Variants in LRMDA observed in about 807,000 individuals in gnomAD.
The protein encoded by LRMDA is leucine-rich melanocyte differentiation-associated protein.
Under a neutral mutation model 29.8 loss-of-function variants are expected in LRMDA, and 18 were observed. The ratio of observed to expected loss-of-function variants is 0.60; its 90% CI spans 0.42 to 0.90. LRMDA has a LOEUF of 0.90. Among genes scored for constraint, LRMDA ranks in the 40% least tolerant of loss-of-function variants. The pLI, the probability that LRMDA is intolerant of heterozygous loss-of-function variation, is 0.00. For missense variants in LRMDA, 273 were observed against 273.9 expected, an observed-to-expected ratio of 1.00 and a Z score of 0.02; for synonymous variants, 125 against 109.4, an observed-to-expected ratio of 1.14 and a Z score of -0.89.
At chr10:75,813,045 C>A (rs1466669264) in intron 2 of LRMDA, among the ~76,000 whole-genome samples, 1 of 152,114 alleles carries the variant, frequency 6.6e-6, no homozygotes, top group South Asian at 2.1e-4. Context: ...ATGAGAGTTA[C>A]ACGGCTCCTG....
At chr10:75,505,010 A>G (rs1214298172) in intron 2 of LRMDA, among the ~76,000 whole-genome samples, 1 of 152,156 alleles carries the variant, frequency 6.6e-6, no homozygotes, top group African/African-American at 2.4e-5. Flanking sequence ...TGAGTGATTG[A>G]TACAGATTAA....
chr10:76,211,711 C>T (rs1223420746), intron 5 of LRMDA, among the ~76,000 whole-genome samples: 1 of 152,170 alleles, frequency 6.6e-6, no homozygotes, highest in Non-Finnish European at 1.5e-5. Context: ...ACAGAGAAAA[C>T]CTTGAAGATT....
intron 6 of LRMDA, among the ~76,000 whole-genome samples, chr10:76,344,652 T>G (rs761394269): frequency 2.0e-5 from 3 of 152,048 alleles, no homozygotes; most frequent in Non-Finnish European, 4.4e-5. Flanking sequence ...TTATGGAATG[T>G]TAATAATTAA....
rs1843604174 is a variant in LRMDA, at chr10:76,560,043, C to CCAT, written c.*2757_*2759dup. The CCAT allele has an allele frequency of 6.6e-6, 1 of 152,204 alleles. No homozygotes were observed. Among genetic ancestry groups the CCAT allele is most frequent in the Admixed American group, 6.5e-5 (1 of 15,282 alleles). The allele number at this position is 152,204 out of a possible 1,614,324, so 9.4% of individuals were successfully genotyped here. A position where few individuals can be genotyped will look rare whatever the true frequency, so the allele number is the denominator to read the frequency against. On this transcript the variant is annotated 3_prime_UTR_variant, in exon 7 of 7. Transcript: ENST00000611255. ...TTTACCAGCCTCACTCATAAACCCTCCATCTGTTTGTTGCTTTAAATAGAA... is the reference window on the plus strand; with the variant it reads ...TTTACCAGCCTCACTCATAAACCCTCCATCATCTGTTTGTTGCTTTAAATAGAA...
chr10:75,961,954 A>G (rs1288315627), intron 2 of LRMDA, among the ~76,000 whole-genome samples: 1 of 152,058 alleles, frequency 6.6e-6, no homozygotes, highest in Non-Finnish European at 1.5e-5. Flanking sequence ...TTGGAGAATC[A>G]TCACCCTGAT....
chr10:76,364,158 GGCTAT>G (rs1164067747), intron 6 of LRMDA, among the ~76,000 whole-genome samples: 1 of 151,974 alleles, frequency 6.6e-6, no homozygotes, highest in African/African-American at 2.4e-5. Flanking sequence ...GCATAGGATA[GGCTAT>G]TCAGAGTAGT....
At chr10:76,308,329 TAGC>T (rs927792678) in intron 5 of LRMDA, among the ~76,000 whole-genome samples, 2 of 152,218 alleles carry the variant, frequency 1.3e-5, no homozygotes, top group Non-Finnish European at 2.9e-5. Flanking sequence ...GAATTTGTCA[TAGC>T]AGCGATCTCA....
chr10:75,796,523 C>T (rs934090295), intron 2 of LRMDA, among the ~76,000 whole-genome samples: 1 of 152,158 alleles, frequency 6.6e-6, no homozygotes, highest in Non-Finnish European at 1.5e-5. Flanking sequence ...ATGAGCATCA[C>T]TTGGTCATCA....
At chr10:76,347,250 A>G (rs1231720820) in intron 6 of LRMDA, among the ~76,000 whole-genome samples, 1 of 152,080 alleles carries the variant, frequency 6.6e-6, no homozygotes, top group Non-Finnish European at 1.5e-5. Flanking sequence ...TTGTATCTCT[A>G]TTTGTCATCC....
chr10:76,143,809 A>G (rs1003115214), intron 5 of LRMDA, among the ~76,000 whole-genome samples: 5 of 151,958 alleles, frequency 3.3e-5, no homozygotes, highest in African/African-American at 4.8e-5. Flanking sequence ...TTTCTTCTAG[A>G]GTTTTTATGG....
intron 5 of LRMDA, among the ~76,000 whole-genome samples, chr10:76,208,278 A>G (rs891599259): frequency 4.6e-5 from 7 of 152,332 alleles, no homozygotes; most frequent in African/African-American, 1.7e-4. Flanking sequence ...GAGCAGGCCA[A>G]GAGAGCTTAA....
chr10:75,860,712 G>A (rs566793534), intron 2 of LRMDA, among the ~76,000 whole-genome samples: 3 of 152,140 alleles, frequency 2.0e-5, no homozygotes, highest in Non-Finnish European at 2.9e-5. Flanking sequence ...CTTCTCATAG[G>A]CTTTGAGGCA....
In LRMDA at chr10:76,354,808, T is replaced by C. The variant is rs533985957; in HGVS notation, c.601+30323T>C. 2.9e-4 allele frequency among the ~76,000 whole-genome samples: 44 copies of C among 152,340 alleles called. No individual in the cohort carries two copies. In the South Asian group the frequency reaches 8.7e-3, roughly 30 times the overall value. On this transcript the variant is annotated intron_variant, in intron 6 of 6. Transcript: ENST00000611255. ...TTTATCACCTCCAACATTTATCATT[T>C]CTGCGTGTTAGGAACATTTCAAATC...
intron 6 of LRMDA, among the ~76,000 whole-genome samples, chr10:76,409,650 A>G (rs537057522): frequency 1.3e-5 from 2 of 152,174 alleles, no homozygotes; most frequent in Non-Finnish European, 2.9e-5. Flanking sequence ...ACATGTATAA[A>G]GTGGTTTTAT....
At chr10:75,490,814 C>G (rs910707313) in intron 2 of LRMDA, among the ~76,000 whole-genome samples, 1 of 152,212 alleles carries the variant, frequency 6.6e-6, no homozygotes, top group African/African-American at 2.4e-5. Flanking sequence ...ATGGGTATCA[C>G]TAATACGCCT....
intron 2 of LRMDA, among the ~76,000 whole-genome samples, chr10:75,580,243 T>G (rs768594499): frequency 6.6e-6 from 1 of 152,204 alleles, no homozygotes; most frequent in Non-Finnish European, 1.5e-5. Context: ...ACAAAATCAG[T>G]GTGCAAAATC....
At chr10:76,011,827 T>C (rs1847787278) in intron 2 of LRMDA, among the ~76,000 whole-genome samples, 1 of 152,140 alleles carries the variant, frequency 6.6e-6, no homozygotes, top group South Asian at 2.1e-4. Context: ...GCCAAGTTCT[T>C]TACTCTGAGG....
intron 6 of LRMDA, among the ~76,000 whole-genome samples, chr10:76,469,363 C>A (rs543743305): frequency 2.0e-4 from 31 of 152,254 alleles, no homozygotes; most frequent in Non-Finnish European, 4.0e-4. Context: ...CTGTTCTCTG[C>A]CCACTCCCCC....
At chr10:75,701,576 C>G (rs538511911) in intron 2 of LRMDA, among the ~76,000 whole-genome samples, 13 of 152,248 alleles carry the variant, frequency 8.5e-5, no homozygotes, top group Non-Finnish European at 1.6e-4. Context: ...AGGAAAATAG[C>G]CAGTGGGTCG....
Sources: allele counts gnomAD v4.1 joint callset (sites outside exome capture counted in the v4.1 genomes callset), GRCh38; gene constraint gnomAD v4.1.1; transcripts MANE v1.5; gene names NCBI Gene and HGNC (gene_info 2026-07-23, HGNC 2026-07-21).